Variants in SGIP1 observed in about 807,000 individuals in gnomAD.
SGIP1 encodes the protein SH3-containing GRB2-like protein 3-interacting protein 1.
Under a neutral mutation model 107.5 loss-of-function variants are expected in SGIP1, and 38 were observed. The observed-to-expected ratio is 0.35, with a 90% CI of 0.27 to 0.46. The LOEUF is 0.46. SGIP1 is among the 20% of genes least tolerant of loss of function. SGIP1 has a pLI of 1.00. For missense variants in SGIP1, 929 were observed against 1,019.5 expected (o/e 0.91, Z 1.21); for synonymous variants, 365 against 366.1 (o/e 1.00, Z 0.03).
chr1:66,572,812 T>C (rs746988219), intron 1 of SGIP1, among the ~76,000 whole-genome samples: 12 of 152,080 alleles, frequency 7.9e-5, no homozygotes, highest in Middle Eastern at 3.2e-3. Flanking sequence ...ACATGAGTCA[T>C]CAACTAATGA....
intron 1 of SGIP1, among the ~76,000 whole-genome samples, chr1:66,591,267 T>C (rs867659189): frequency 1.3e-5 from 2 of 152,168 alleles, no homozygotes; most frequent in African/African-American, 2.4e-5. Context: ...TTGATCCAAT[T>C]GTTAACAATA....
At chr1:66,605,772 T>C (rs1253344339) in intron 1 of SGIP1, among the ~76,000 whole-genome samples, 1 of 152,144 alleles carries the variant, frequency 6.6e-6, no homozygotes, top group Non-Finnish European at 1.5e-5. Context: ...GGAAAGAGGA[T>C]ACAACGTTTT....
At chr1:66,730,043 CT>C (rs2150579106) in intron 20 of SGIP1, among the ~76,000 whole-genome samples, 2 of 152,280 alleles carry the variant, frequency 1.3e-5, no homozygotes, top group East Asian at 3.9e-4. Flanking sequence ...CTCAAGTGAT[CT>C]GCCTGCCTTG....
At chr1:66,734,010 T>A in intron 21 of SGIP1, 130 bp downstream of exon 21, 3 of 1,023,770 alleles carry the variant, frequency 2.9e-6, no homozygotes, top group Middle Eastern at 3.4e-4. Flanking sequence ...CTCATTTTTT[T>A]AAATGGAAAC....
intron 7 of SGIP1, among the ~76,000 whole-genome samples, chr1:66,654,381 T>C (rs17129269): frequency 0.13 from 19,497 of 152,174 alleles, 1,287 homozygotes; most frequent in African/African-American, 0.13. Flanking sequence ...TCCAGTGAGA[T>C]TGTTTTCTCA....
At chr1:66,687,298 CAAA>C (rs550250808) in intron 15 of SGIP1, among the ~76,000 whole-genome samples, 1 of 137,694 alleles carries the variant, frequency 7.3e-6, no homozygotes, top group Non-Finnish European at 1.6e-5. Flanking sequence ...CCATCAACAC[CAAA>C]AAAAAAAAAA....
At chr1:66,533,856 C>A (rs540424888), upstream of SGIP1, among the ~76,000 whole-genome samples, 1 of 152,084 alleles carries the variant, frequency 6.6e-6, no homozygotes, top group Non-Finnish European at 1.5e-5. Context: ...GGTGGCAGCC[C>A]TTGATAACTA....
chr1:66,610,801 G>T (rs758091094), intron 1 of SGIP1, among the ~76,000 whole-genome samples: 9 of 151,758 alleles, frequency 5.9e-5, no homozygotes, highest in Non-Finnish European at 1.2e-4. Flanking sequence ...AATATTTATT[G>T]CATGAAAAAG....
chr1:66,637,975 A>G (rs1192239353), intron 4 of SGIP1, among the ~76,000 whole-genome samples: 1 of 151,928 alleles, frequency 6.6e-6, no homozygotes, highest in Non-Finnish European at 1.5e-5. Context: ...AAACTGTAGA[A>G]CTTTGAAAAT....
At chr1:66,550,698 C>G in intron 1 of SGIP1, among the ~76,000 whole-genome samples, 1 of 152,116 alleles carries the variant, frequency 6.6e-6, no homozygotes. Context: ...AAACATTTAT[C>G]TCATTTAATA....
intron 18 of SGIP1, among the ~76,000 whole-genome samples, chr1:66,705,448 C>T (rs1410542207): frequency 6.6e-6 from 1 of 152,230 alleles, no homozygotes; most frequent in South Asian, 2.1e-4. Flanking sequence ...AAGGATGTTT[C>T]GGAAAAGTTG....
At chr1:66,707,289 G>T (rs1385800316) in intron 18 of SGIP1, among the ~76,000 whole-genome samples, 1 of 152,058 alleles carries the variant, frequency 6.6e-6, no homozygotes, top group Non-Finnish European at 1.5e-5. Context: ...ATAACCATCA[G>T]AAACTGAGCC....
intron 22 of SGIP1, 111 bp downstream of exon 22, chr1:66,739,648 A>T: frequency 9.6e-7 from 1 of 1,039,052 alleles, no homozygotes; most frequent in Non-Finnish European, 1.4e-6. Flanking sequence ...CCTGTGCATT[A>T]GGGTTCAGGG....
intron 18 of SGIP1, among the ~76,000 whole-genome samples, chr1:66,709,681 C>T (rs867007235): frequency 1.3e-5 from 2 of 152,102 alleles, no homozygotes; most frequent in African/African-American, 4.8e-5. Flanking sequence ...TACCTCAGGA[C>T]AGGAGAAGCC....
Position 66,719,478 on chromosome 1 carries a change from C to A in SGIP1, c.1742+73C>A, listed in dbSNP as rs187290199. The A allele has an allele frequency of 3.4e-5, 40 of 1,175,056 alleles. No individual in the cohort carries two copies. The Middle Eastern group carries it at 6.1e-4, about 18-fold the overall frequency. 72.8% of individuals were successfully genotyped at this position (1,175,056 alleles called of 1,614,324 possible). On this transcript the variant is annotated intron_variant, in intron 19 of 24. Transcript: ENST00000371037. ...GAGTGTGGAACAGCCTAAATACAAC[C>A]TTTTCATTTTTTCTTTTAAAAAGCA...
intron 15 of SGIP1, chr1:66,684,223 G>A: frequency 6.5e-7 from 1 of 1,550,364 alleles, no homozygotes; most frequent in Non-Finnish European, 8.7e-7. Context: ...GTTAACCAGT[G>A]TGCTCTCCAG....
At chr1:66,685,839 A>G (rs1220204129) in intron 15 of SGIP1, among the ~76,000 whole-genome samples, 3 of 152,258 alleles carry the variant, frequency 2.0e-5, no homozygotes. Context: ...AGACAGTTCT[A>G]GAATATTTTC....
chr1:66,714,905 T>C (rs2093141427), intron 18 of SGIP1, among the ~76,000 whole-genome samples: 1 of 152,138 alleles, frequency 6.6e-6, no homozygotes, highest in Non-Finnish European at 1.5e-5. Context: ...TTGGACACTT[T>C]TCTGGTTTTA....
At chr1:66,569,551 T>C (rs1030610190) in intron 1 of SGIP1, among the ~76,000 whole-genome samples, 1 of 151,926 alleles carries the variant, frequency 6.6e-6, no homozygotes, top group Non-Finnish European at 1.5e-5. Flanking sequence ...AACATTTATT[T>C]AACATATTTC....
Sources: gnomAD v4.1 joint callset for allele counts (sites outside exome capture counted in the v4.1 genomes callset) on GRCh38, gnomAD v4.1.1 for gene constraint, MANE v1.5 for transcripts, NCBI Gene and HGNC (gene_info 2026-07-23, HGNC 2026-07-21) for gene names.